Variants in ZNF474 observed in about 807,000 individuals in gnomAD.
ZNF474 encodes 4933409D10Rik.
For synonymous variants in ZNF474, 192 were observed against 162.2 expected, an observed-to-expected ratio of 1.18 and a Z score of -1.39; for missense variants, 511 against 433.8, an observed-to-expected ratio of 1.18 and a Z score of -1.58.
In ZNF474 at chr5:122,152,379, A is replaced by G; in HGVS notation, c.389A>G (p.His130Arg). The G allele has an allele frequency of 1.2e-6, 2 of 1,614,200 alleles. No homozygotes were observed. The highest frequency in any genetic ancestry group is 1.7e-6 in the Non-Finnish European group (2 of 1,180,040). ...WHIENSKLPK[H>R]LRRPEPSKPQ... The stretch of plus-strand genomic sequence containing the variant: ...ATTGAAAACAGCAAGTTGCCCAAGC[A>G]TTTGAGGAGGCCAGAACCCTCCAAA... Residue 130 changes from histidine (H) to arginine (R), a missense_variant, in exon 2 of 2, where the codon CAT becomes CGT. Coordinates refer to ENST00000296600, the MANE Select transcript of ZNF474 (RefSeq NM_207317.3).
At position 122,153,072 on chromosome 5, in the gene ZNF474, C is replaced by A; in HGVS notation, c.1082C>A (p.Ala361Asp). Residue 361 changes from alanine (A) to aspartate (D), a missense_variant, in exon 2 of 2, where the codon GCC becomes GAC. Coordinates refer to ENST00000296600, the MANE Select transcript of ZNF474 (RefSeq NM_207317.3). ...TQDALGEPGG[A>D]LCL ...GACGCATTAGGTGAACCTGGTGGTG[C>A]CCTCTGCCTGTAGGGGAACAAGAGA... The A allele has an allele frequency of 6.2e-7, 1 of 1,609,786 alleles. No individual in the cohort carries two copies. Among genetic ancestry groups the A allele is most frequent in the South Asian group, 1.1e-5 (1 of 90,560 alleles).
chr5:122,143,181 G>A (rs150017657), intron 1 of ZNF474, among the ~76,000 whole-genome samples: 225 of 152,190 alleles, frequency 1.5e-3, no homozygotes, highest in African/African-American at 5.1e-3. Flanking sequence ...GGTTCCTCCC[G>A]GATTCAGTGA....
In ZNF474 at chr5:122,151,901, A is replaced by G; in HGVS notation, c.-90A>G. ...TGGCAACGGTGTGAACCCCAGGACA[A>G]CTAACCTCACTAACCTTCACTCTAA... On this transcript the variant is annotated 5_prime_UTR_variant, in exon 2 of 2. Coordinates refer to ENST00000296600, the MANE Select transcript of ZNF474 (RefSeq NM_207317.3). 2 of 1,492,514 alleles carry G rather than the reference A, an allele frequency of 1.3e-6. No individual in the cohort carries two copies. Among genetic ancestry groups the G allele is most frequent in the Non-Finnish European group, 8.9e-7 (1 of 1,124,034 alleles). The allele number at this position is 1,492,514 out of a possible 1,614,324, so 92.5% of individuals were successfully genotyped here.
Position 122,152,186 on chromosome 5 carries a change from G to A in ZNF474, c.196G>A (p.Val66Met), listed in dbSNP as rs778973827. ...CACTCAGAAAAAGAGACCTGGGACT[G>A]TGATACTATCAAAACTGTCAAGTAG... is the stretch of plus-strand genomic sequence containing the variant. Reference protein sequence around the residue: ...TDTQKKRPGTVILSKLSSRRI... With the variant: ...TDTQKKRPGTMILSKLSSRRI... The change falls in exon 2 of 2, where the codon GTG (valine) becomes ATG (methionine). Residue 66 changes from valine to methionine, a missense_variant. Val to Met is a conservative substitution (Grantham distance 21, BLOSUM62 1). Coordinates refer to ENST00000296600, the MANE Select transcript of ZNF474 (RefSeq NM_207317.3). The A allele has an allele frequency of 3.5e-5, 57 of 1,614,050 alleles. No individual in the cohort carries two copies. The highest frequency in any genetic ancestry group is 8.8e-5 in the South Asian group (8 of 91,086).
intron 1 of ZNF474, among the ~76,000 whole-genome samples, chr5:122,129,949 G>A (rs561659488): frequency 6.6e-6 from 1 of 152,226 alleles, no homozygotes; most frequent in Non-Finnish European, 1.5e-5. Context: ...TTCTTTGGAT[G>A]CTGACAATGA....
At chr5:122,140,328 A>G (rs1433496054) in intron 1 of ZNF474, among the ~76,000 whole-genome samples, 1 of 152,220 alleles carries the variant, frequency 6.6e-6, no homozygotes, top group East Asian at 1.9e-4. Flanking sequence ...TTGTATCAAC[A>G]TCAACAACTT....
In ZNF474 at chr5:122,152,448, C is replaced by T; in HGVS notation, c.458C>T (p.Thr153Ile). Reference sequence around the variant, plus strand: ...AGTGGGTCCTACAGTCTTCAGGCAACTAACGAGGCTGCATTTCAGAGTGCC... The same window carrying T: ...AGTGGGTCCTACAGTCTTCAGGCAATTAACGAGGCTGCATTTCAGAGTGCC... ...SSSGSYSLQA[T>I]NEAAFQSAQA... Residue 153 changes from threonine to isoleucine, a missense_variant, in exon 2 of 2, where the codon ACT (threonine) becomes ATT (isoleucine). By Grantham distance (89) the Thr-to-Ile change is moderately conservative. Transcript: ENST00000296600. 2 of 1,614,204 alleles carry T rather than the reference C, an allele frequency of 1.2e-6. No individual in the cohort carries two copies. The highest frequency in any genetic ancestry group is 1.1e-5 in the South Asian group (1 of 91,086).
At chr5:122,139,065 A>G (rs1447463027) in intron 1 of ZNF474, among the ~76,000 whole-genome samples, 1 of 152,212 alleles carries the variant, frequency 6.6e-6, no homozygotes, top group Non-Finnish European at 1.5e-5. Flanking sequence ...TAAAACATTA[A>G]AATCAGATAA....
chr5:122,144,609 A>G (rs772725642), intron 1 of ZNF474, among the ~76,000 whole-genome samples: 66 of 152,386 alleles, frequency 4.3e-4, no homozygotes, highest in Non-Finnish European at 9.0e-4. Context: ...ATAGCTATGG[A>G]CCAGATGTGC....
At position 122,152,668 on chromosome 5, in the gene ZNF474, A is replaced by G. The variant is rs1205675578; in HGVS notation, c.678A>G (p.Ile226Met). The change falls in exon 2 of 2, where the codon ATA becomes ATG. Residue 226 changes from isoleucine (I) to methionine (M), a missense_variant. Transcript: ENST00000296600. ...PARPRTVICY[I>M]CGKEFGTLSL... ...GACCAAGGACTGTTATCTGCTACAT[A>G]TGTGGTAAGGAATTTGGCACCCTGT... 2 of 1,614,042 alleles carry G rather than the reference A, an allele frequency of 1.2e-6. No individual in the cohort carries two copies. Among genetic ancestry groups the G allele is most frequent in the Non-Finnish European group, 1.7e-6 (2 of 1,180,038 alleles).
chr5:122,142,366 A>G (rs909727181), intron 1 of ZNF474, among the ~76,000 whole-genome samples: 1 of 152,222 alleles, frequency 6.6e-6, no homozygotes, highest in African/African-American at 2.4e-5. Context: ...GACTTAAAAT[A>G]TACACGTGAT....
At chr5:122,133,752 G>A (rs1183268005) in intron 1 of ZNF474, among the ~76,000 whole-genome samples, 1 of 152,118 alleles carries the variant, frequency 6.6e-6, no homozygotes, top group Non-Finnish European at 1.5e-5. Context: ...GTAGTGATGA[G>A]ATCTTACTAT....
chr5:122,151,742 CATA>C (rs933272955), intron 1 of ZNF474, 34 bp from the exon 2 acceptor site: 3 of 324,964 alleles, frequency 9.2e-6, no homozygotes, highest in Non-Finnish European at 1.6e-5. Flanking sequence ...TGTGTGTTTA[CATA>C]ATAACTTCTT....
At chr5:122,147,745 A>T (rs996591511) in intron 1 of ZNF474, 8 of 152,216 alleles carry the variant, frequency 5.3e-5, no homozygotes, top group Non-Finnish European at 1.0e-4. Context: ...AGATATGATC[A>T]CACTTTTCAT....
At chr5:122,150,467 C>T (rs1050361161) in intron 1 of ZNF474, among the ~76,000 whole-genome samples, 4 of 152,132 alleles carry the variant, frequency 2.6e-5, no homozygotes, top group Admixed American at 1.3e-4. Flanking sequence ...AAATCCAGTG[C>T]CCAGGGTTTC....
At chr5:122,136,532 A>G (rs1376229069) in intron 1 of ZNF474, among the ~76,000 whole-genome samples, 1 of 152,212 alleles carries the variant, frequency 6.6e-6, no homozygotes, top group Middle Eastern at 3.2e-3. Context: ...AGGGAGCAGC[A>G]GCACATCTAT....
chr5:122,143,344 C>T (rs1031987499), intron 1 of ZNF474, among the ~76,000 whole-genome samples: 1 of 152,116 alleles, frequency 6.6e-6, no homozygotes, highest in Admixed American at 6.6e-5. Flanking sequence ...TCAAAAGTGT[C>T]GCACCGAGTT....
At chr5:122,129,803 C>T (rs969304443) in intron 1 of ZNF474, 120 bp downstream of exon 1, 1 of 152,176 alleles carries the variant, frequency 6.6e-6, no homozygotes, top group Non-Finnish European at 1.5e-5. Context: ...TTGTTCTCTT[C>T]CATTGGCTTC....
intron 1 of ZNF474, among the ~76,000 whole-genome samples, chr5:122,149,560 T>C (rs1475349691): frequency 6.6e-6 from 1 of 152,172 alleles, no homozygotes; most frequent in Non-Finnish European, 1.5e-5. Flanking sequence ...GCAGAATGAA[T>C]AATGGAAAGA....
Sources: allele counts gnomAD v4.1 joint callset (sites outside exome capture counted in the v4.1 genomes callset), GRCh38; gene constraint gnomAD v4.1.1; transcripts MANE v1.5; gene names NCBI Gene and HGNC (gene_info 2026-07-23, HGNC 2026-07-21).